The following GPRC5C variants were observed in gnomAD, a reference collection of about 807,000 sequenced individuals.
GPRC5C encodes G protein-coupled receptor class C group 5 member C, also known as G protein-coupled receptor family C group 5 member C.
Under a neutral mutation model 31.4 loss-of-function variants are expected in GPRC5C, and 22 were observed. The ratio of observed to expected loss-of-function variants is 0.70; its 90% CI spans 0.50 to 1.00. The LOEUF (loss-of-function observed/expected upper bound fraction) is 1.00, where lower values mean the gene tolerates loss of function less well. Among genes scored for constraint, GPRC5C ranks in the 50% least tolerant of loss-of-function variants. The pLI is 0.00. For synonymous variants in GPRC5C, 249 were observed against 257.5 expected, an observed-to-expected ratio of 0.97 and a Z score of 0.32; for missense variants, 557 against 597.2, an observed-to-expected ratio of 0.93 and a Z score of 0.70.
chr17:74,439,638 C>A, intron 1 of GPRC5C, 107 bp from the exon 2 acceptor site: 2 of 1,039,640 alleles, frequency 1.9e-6, no homozygotes, highest in Non-Finnish European at 2.8e-6. Context: ...GCCTCACGGT[C>A]AGCAGCTAGC....
intron 1 of GPRC5C, among the ~76,000 whole-genome samples, chr17:74,438,239 ATATATAT>A: frequency 8.6e-6 from 1 of 116,508 alleles, no homozygotes; most frequent in Non-Finnish European, 1.6e-5. Context: ...ATATATATAT[ATATATAT>A]ATATATTTGT....
In GPRC5C at chr17:74,433,702, A is replaced by AC. The variant is rs933898836; in HGVS notation, c.-33+1563dup. On this transcript the variant is annotated intron_variant, in intron 1 of 3. Coordinates refer to ENST00000392627, the MANE Select transcript of GPRC5C (RefSeq NM_022036.4). ...AGTGCTCTGTGGTATCCCTGGGGGAACCTCCCTGAAGAGTGCCCTGGTCAC... is the reference window on the plus strand; with the variant it reads ...AGTGCTCTGTGGTATCCCTGGGGGAACCCTCCCTGAAGAGTGCCCTGGTCAC... 1.7e-5 allele frequency: 28 copies of AC among 1,612,128 alleles called. No homozygotes were observed. In the African/African-American group the frequency reaches 3.5e-4, roughly 20 times the overall value.
Position 74,440,468 on chromosome 17 carries a change from T to C in GPRC5C, c.692T>C (p.Leu231Pro). 1 of 1,614,148 alleles carries C rather than the reference T, an allele frequency of 6.2e-7. No individual in the cohort carries two copies. The highest frequency in any genetic ancestry group is 8.5e-7 in the Non-Finnish European group (1 of 1,180,036). Residue 231 changes from leucine (L) to proline (P), a missense_variant, in exon 2 of 4, where the codon CTG becomes CCG. Transcript: ENST00000392627. The surrounding 1 kb of genome is among the most constrained non-coding windows in gnomAD (Gnocchi z 4.4). ...GCCTTCCTGGGGGCCTGGCCCGCCCTGTGTGGCCGCTACAAGCGCTGGCGT... is the reference window on the plus strand; with the variant it reads ...GCCTTCCTGGGGGCCTGGCCCGCCCCGTGTGGCCGCTACAAGCGCTGGCGT... ...LGAFLGAWPA[L>P]CGRYKRWRKH...
intron 1 of GPRC5C, among the ~76,000 whole-genome samples, chr17:74,437,945 G>T (rs2055458538): frequency 6.6e-6 from 1 of 152,048 alleles, no homozygotes; most frequent in African/African-American, 2.4e-5. Context: ...AACACGTGGG[G>T]TGACTTAAAT....
chr17:74,443,969 C>A, intron 3 of GPRC5C, 57 bp downstream of exon 3: 1 of 1,219,008 alleles, frequency 8.2e-7, no homozygotes, highest in Non-Finnish European at 1.2e-6. Flanking sequence ...CCAGCCTCAG[C>A]AGGCCAGTGG....
chr17:74,448,022 A>G (rs1326675100), downstream of GPRC5C, among the ~76,000 whole-genome samples: 1 of 152,142 alleles, frequency 6.6e-6, no homozygotes, highest in Non-Finnish European at 1.5e-5. Flanking sequence ...TAAAATGTCC[A>G]TTTATGCGGG....
At position 74,447,052 on chromosome 17, in the gene GPRC5C, G is replaced by GTCA; in HGVS notation, c.*24_*25insTCA. 1 of 1,598,686 alleles carries GTCA rather than the reference G, an allele frequency of 6.3e-7. No individual in the cohort carries two copies. Among genetic ancestry groups the GTCA allele is most frequent in the Non-Finnish European group, 8.6e-7 (1 of 1,168,362 alleles). On this transcript the variant is annotated 3_prime_UTR_variant, in exon 4 of 4. Coordinates refer to ENST00000392627, the MANE Select transcript of GPRC5C (RefSeq NM_022036.4). ...GAGTCAGCGGTGGCGAGGAGAGGCG[G>GTCA]GCGGATTTGGGGAGGGCCCTGAGGA...
chr17:74,433,417 GGT>G (rs1255562316), intron 1 of GPRC5C, among the ~76,000 whole-genome samples: 1 of 152,036 alleles, frequency 6.6e-6, no homozygotes, highest in Non-Finnish European at 1.5e-5. Context: ...ATAGGGGTGG[GGT>G]GTCTAGGCTG....
At chr17:74,444,988 A>T (rs1384040730) in intron 3 of GPRC5C, among the ~76,000 whole-genome samples, 1 of 152,114 alleles carries the variant, frequency 6.6e-6, no homozygotes, top group African/African-American at 2.4e-5. Flanking sequence ...AATGGCTCAC[A>T]CCTGTAATCC....
At position 74,446,887 on chromosome 17, in the gene GPRC5C, C is replaced by T. The variant is rs754892642; in HGVS notation, c.1185C>T (p.Thr395=). 1.0e-4 allele frequency: 163 copies of T among 1,613,840 alleles called. No individual in the cohort carries two copies. The highest frequency in any genetic ancestry group is 5.0e-4 in the Admixed American group (30 of 60,030). Reference sequence around the variant, plus strand: ...ACGACATCATCCTCCCACGGGCCACCGCCAACAGCCAGGTGATGGGCAGTG... The same window carrying T: ...ACGACATCATCCTCCCACGGGCCACTGCCAACAGCCAGGTGATGGGCAGTG... ...GAYDIILPRA[T]ANSQVMGSAN... The change falls in exon 4 of 4, where the codon ACC becomes ACT. Residue 395 remains threonine (T), a synonymous_variant. Coordinates refer to ENST00000392627, the MANE Select transcript of GPRC5C (RefSeq NM_022036.4).
chr17:74,449,137 G>A (rs1298425666), downstream of GPRC5C, among the ~76,000 whole-genome samples: 5 of 151,914 alleles, frequency 3.3e-5, no homozygotes, highest in Non-Finnish European at 7.4e-5. Flanking sequence ...GAGAAAGGTT[G>A]CTGGGAAAAA....
At chr17:74,447,630 T>C (rs1043925695), downstream of GPRC5C, among the ~76,000 whole-genome samples, 2 of 152,206 alleles carry the variant, frequency 1.3e-5, no homozygotes, top group African/African-American at 2.4e-5. Flanking sequence ...CTGTCTGTAT[T>C]GTGTGCGATC....
rs57390968 is a variant in GPRC5C at position 74,437,629 on chromosome 17, A to ATT, written c.-32-2102_-32-2101dup. Among the ~76,000 whole-genome samples, 7 of 129,862 alleles carry ATT rather than the reference A, an allele frequency of 5.4e-5. 1 individual carries two copies. Among genetic ancestry groups the ATT allele is most frequent in the East Asian group, 2.2e-4 (1 of 4,608 alleles). 85.2% of individuals were successfully genotyped at this position (129,862 alleles called of 152,430 possible). A position where few individuals can be genotyped will look rare whatever the true frequency, so the allele number is the denominator to read the frequency against. Reference sequence around the variant, plus strand: ...CTTTCACATAACAATTATGGACAGAATTTTTTTTTTTTTTTGCTTCTGTGT... The same window carrying ATT: ...CTTTCACATAACAATTATGGACAGAATTTTTTTTTTTTTTTTTGCTTCTGTGT... On this transcript the variant is annotated intron_variant, in intron 1 of 3. Coordinates refer to ENST00000392627, the MANE Select transcript of GPRC5C (RefSeq NM_022036.4).
chr17:74,449,273 C>A (rs754305386), downstream of GPRC5C: 26 of 930,092 alleles, frequency 2.8e-5, no homozygotes, highest in Non-Finnish European at 3.8e-5. Flanking sequence ...TAAGTAAAAA[C>A]CAGTTCTTGG....
intron 3 of GPRC5C, chr17:74,446,568 A>G: frequency 2.6e-6 from 1 of 379,396 alleles, no homozygotes; most frequent in Non-Finnish European, 4.8e-6. Flanking sequence ...AACAATTGGA[A>G]GTAGGAGGGT....
At chr17:74,446,789 C>T (rs897040331) in intron 3 of GPRC5C, 60 bp from the exon 4 acceptor site, 16 of 1,345,770 alleles carry the variant, frequency 1.2e-5, no homozygotes, top group South Asian at 9.8e-5. Flanking sequence ...TTTGTGCATC[C>T]GCCCCGGCGG....
At chr17:74,433,882 A>G in intron 1 of GPRC5C, 1 of 813,630 alleles carries the variant, frequency 1.2e-6, no homozygotes, top group East Asian at 2.4e-5. Context: ...CGAGGAAGGG[A>G]GTTTTGCTCT....
intron 2 of GPRC5C, chr17:74,443,495 A>C: frequency 2.1e-6 from 1 of 486,202 alleles, no homozygotes; most frequent in Non-Finnish European, 4.0e-6. Context: ...CTGGCCCCGG[A>C]GGGCGGATGG....
intron 3 of GPRC5C, 52 bp downstream of exon 3, chr17:74,443,964 C>G: frequency 8.0e-7 from 1 of 1,257,850 alleles, no homozygotes; most frequent in East Asian, 2.3e-5. Context: ...AGAGACCAGC[C>G]TCAGCAGGCC....
Sources: gnomAD v4.1 joint callset for allele counts (sites outside exome capture counted in the v4.1 genomes callset) on GRCh38, gnomAD v4.1.1 for gene constraint, Gnocchi (gnomAD v3.1) non-coding constraint, MANE v1.5 for transcripts, NCBI Gene and HGNC (gene_info 2026-07-23, HGNC 2026-07-21) for gene names.